The following INTS2 variants were observed in gnomAD, a reference collection of about 807,000 sequenced individuals.
The protein encoded by INTS2 is integrator complex subunit 2, also known as KIAA1287.
A neutral mutation model predicts 139.6 loss-of-function variants in INTS2; 57 were observed. The observed-to-expected ratio is 0.41, with a 90% CI of 0.33 to 0.51. The LOEUF (loss-of-function observed/expected upper bound fraction) is 0.51, where lower values mean the gene tolerates loss of function less well. Among genes scored for constraint, INTS2 ranks in the 20% least tolerant of loss-of-function variants. The pLI is 0.28. For synonymous variants in INTS2, 473 were observed against 493.4 expected (o/e 0.96, Z 0.55); for missense variants, 1,196 against 1,436.7 (o/e 0.83, Z 2.71).
intron 11 of INTS2, among the ~76,000 whole-genome samples, chr17:61,895,808 G>C (rs2079341921): frequency 6.6e-6 from 1 of 151,616 alleles, no homozygotes; most frequent in Non-Finnish European, 1.5e-5. Context: ...TACACCAAAA[G>C]AAACTCCAAG....
intron 9 of INTS2, among the ~76,000 whole-genome samples, chr17:61,900,783 C>T (rs1006253230): frequency 6.6e-5 from 10 of 151,464 alleles, no homozygotes; most frequent in Non-Finnish European, 2.9e-5. Context: ...CATGGAGAAA[C>T]CCCATCTCCA....
At chr17:61,912,336 C>G (rs1197167045) in intron 5 of INTS2, among the ~76,000 whole-genome samples, 2 of 136,256 alleles carry the variant, frequency 1.5e-5, no homozygotes, top group Non-Finnish European at 3.0e-5. Context: ...GTGGCTCACA[C>G]CTGTAATCCC....
At chr17:61,883,188 T>C (rs1487481769) in intron 16 of INTS2, among the ~76,000 whole-genome samples, 1 of 152,102 alleles carries the variant, frequency 6.6e-6, no homozygotes, top group African/African-American at 2.4e-5. Context: ...TGCCAAATGC[T>C]GTTAAAAATA....
At chr17:61,917,563 T>C (rs2079595461) in intron 5 of INTS2, among the ~76,000 whole-genome samples, 2 of 152,074 alleles carry the variant, frequency 1.3e-5, no homozygotes, top group African/African-American at 4.8e-5. Context: ...TCACTATAAG[T>C]GGGAGTTAAA....
chr17:61,868,017 A>G lies in INTS2; in HGVS notation c.3245-8T>C, dbSNP rs932291253. Reference sequence around the variant, plus strand: ...GCTTAGCCTGTGTTAAAACTGTTGGAAAAAAATGAAACAATATTTTAGTTT... The same window carrying G: ...GCTTAGCCTGTGTTAAAACTGTTGGGAAAAAATGAAACAATATTTTAGTTT... On this transcript the variant is annotated splice_polypyrimidine_tract_variant and splice_region_variant and intron_variant, in intron 23 of 24. Transcript: ENST00000251334. The surrounding 1 kb of genome is among the most constrained non-coding windows in gnomAD (Gnocchi z 4.7). 6.5e-7 allele frequency: 1 copy of G among 1,548,168 alleles called. No individual in the cohort carries two copies. The highest frequency in any genetic ancestry group is 8.7e-7 in the Non-Finnish European group (1 of 1,151,816).
chr17:61,873,020 A>AATGAAAATCTGAATTAAAAGTC lies in INTS2; in HGVS notation c.2583-582_2583-561dup, dbSNP rs2079101298. Among the ~76,000 whole-genome samples, 1 of 152,230 alleles carries AATGAAAATCTGAATTAAAAGTC rather than the reference A, an allele frequency of 6.6e-6. No homozygotes were observed. The highest frequency in any genetic ancestry group is 1.5e-5 in the Non-Finnish European group (1 of 68,038). On this transcript the variant is annotated intron_variant, in intron 19 of 24. Transcript: ENST00000251334. This position sits in a 1 kb window ranked among gnomAD's most constrained non-coding sequence, Gnocchi z 4.0. ...CCAGTTCAGCCTTTCTACATAGTAGAATGAAAATCTGAATTAAAAGTCTTG... is the reference window on the plus strand; with the variant it reads ...CCAGTTCAGCCTTTCTACATAGTAGAATGAAAATCTGAATTAAAAGTCATGAAAATCTGAATTAAAAGTCTTG...
chr17:61,919,215 G>A (rs538418670), intron 5 of INTS2, among the ~76,000 whole-genome samples, 185 bp downstream of exon 5: 16 of 152,098 alleles, frequency 1.1e-4, no homozygotes, highest in African/African-American at 3.6e-4. Flanking sequence ...GAGCCACTGC[G>A]CCCAGCCTGA....
intron 7 of INTS2, among the ~76,000 whole-genome samples, chr17:61,908,068 A>G (rs1370611865): frequency 6.6e-6 from 1 of 152,182 alleles, no homozygotes; most frequent in Non-Finnish European, 1.5e-5. Flanking sequence ...CCTTAATGAC[A>G]AGGAAATATT....
At chr17:61,914,474 C>A (rs1471633166) in intron 5 of INTS2, among the ~76,000 whole-genome samples, 1 of 152,004 alleles carries the variant, frequency 6.6e-6, no homozygotes, top group Admixed American at 6.6e-5. Context: ...CCACAGAGGG[C>A]GCATCACGAG....
At position 61,904,443 on chromosome 17, in the gene INTS2, C is replaced by A; in HGVS notation, c.1307+17G>T. On this transcript the variant is annotated intron_variant, in intron 9 of 24. Transcript: ENST00000251334. ...AGTAAACCTTGAGAAAATGGAGCAA[C>A]TTATATAGTTAGGTACCTGACAAGT... is the stretch of plus-strand genomic sequence containing the variant. 1 of 1,563,568 alleles carries A rather than the reference C, an allele frequency of 6.4e-7. No homozygotes were observed. Among genetic ancestry groups the A allele is most frequent in the Non-Finnish European group, 8.7e-7 (1 of 1,148,214 alleles).
In INTS2 at chr17:61,873,731, T is replaced by C. The variant is rs2079106844; in HGVS notation, c.2582+1182A>G. Among the ~76,000 whole-genome samples the C allele has an allele frequency of 6.6e-6, 1 of 152,182 alleles. No homozygotes were observed. The highest frequency in any genetic ancestry group is 2.1e-4 in the South Asian group (1 of 4,834). ...AGATTTTGTCACTTCGAGAATGTCA[T>C]CCCTTGGTTGATGACAGACAAGTTT... On this transcript the variant is annotated intron_variant, in intron 19 of 24. Transcript: ENST00000251334. This position sits in a 1 kb window ranked among gnomAD's most constrained non-coding sequence, Gnocchi z 4.0.
intron 14 of INTS2, among the ~76,000 whole-genome samples, chr17:61,890,406 T>C (rs1357860705): frequency 2.0e-5 from 3 of 151,174 alleles, no homozygotes; most frequent in Non-Finnish European, 2.9e-5. Context: ...AGGTCACGAG[T>C]TGGAGACCAG....
chr17:61,877,987 T>A lies in INTS2; in HGVS notation c.2356A>T (p.Thr786Ser). Reference sequence around the variant, plus strand: ...TTCAATAGCTGGCTCATATTGGATGTTAACACTTCCGCATATGGTATAAGT... The same window carrying A: ...TTCAATAGCTGGCTCATATTGGATGATAACACTTCCGCATATGGTATAAGT... ...SELIPYAEVL[T>S]SNMSQLLNSG... Residue 786 changes from threonine (T) to serine (S), a missense_variant, in exon 18 of 25, where the codon ACA becomes TCA. Physicochemically the swap from Thr to Ser is moderately conservative, Grantham distance 58. Transcript: ENST00000251334. 3 of 1,613,052 alleles carry A rather than the reference T, an allele frequency of 1.9e-6. No individual in the cohort carries two copies. The highest frequency in any genetic ancestry group is 2.5e-6 in the Non-Finnish European group (3 of 1,179,012).
Position 61,872,602 on chromosome 17 carries a change from C to A in INTS2, c.2583-142G>T. On this transcript the variant is annotated intron_variant, in intron 19 of 24. Transcript: ENST00000251334. This position sits in a 1 kb window ranked among gnomAD's most constrained non-coding sequence, Gnocchi z 4.8. ...CTTTTCCCACTAAAATATTCATTCT[C>A]AAAAGTTTAATATATGTTTCTTATT... The A allele has an allele frequency of 2.0e-6, 1 of 492,026 alleles. No homozygotes were observed. The highest frequency in any genetic ancestry group is 3.5e-6 in the Non-Finnish European group (1 of 283,910). 30.5% of individuals were successfully genotyped at this position (492,026 alleles called of 1,614,324 possible). A position where few individuals can be genotyped will look rare whatever the true frequency, so the allele number is the denominator to read the frequency against.
At chr17:61,915,517 C>T (rs1400250357) in intron 5 of INTS2, among the ~76,000 whole-genome samples, 1 of 144,004 alleles carries the variant, frequency 6.9e-6, no homozygotes, top group Non-Finnish European at 1.5e-5. Flanking sequence ...CAGAGTGAAA[C>T]TCTGTTTCAA....
intron 9 of INTS2, among the ~76,000 whole-genome samples, chr17:61,902,848 T>G (rs1603379258): frequency 1.4e-4 from 17 of 120,168 alleles, no homozygotes; most frequent in Middle Eastern, 4.7e-3. Flanking sequence ...ACAGCCTGGG[T>G]GAAAGAGCTT....
chr17:61,901,918 G>A (rs2079411142), intron 9 of INTS2, among the ~76,000 whole-genome samples: 1 of 152,026 alleles, frequency 6.6e-6, no homozygotes, highest in Non-Finnish European at 1.5e-5. Flanking sequence ...TTCAGAATGG[G>A]TATGTGTGAA....
At position 61,911,688 on chromosome 17, in the gene INTS2, T is replaced by C. The variant is rs1567912996; in HGVS notation, c.786A>G (p.Glu262=). The C allele has an allele frequency of 6.2e-7, 1 of 1,613,004 alleles. No individual in the cohort carries two copies. Among genetic ancestry groups the C allele is most frequent in the Non-Finnish European group, 8.5e-7 (1 of 1,179,398 alleles). Residue 262 remains glutamate, a synonymous_variant, in exon 7 of 25, where the codon GAA becomes GAG. Transcript: ENST00000251334. ...CACCAAGGCCTGGCAAGTGACATTC[T>C]TCCACCTAGCACAGAAAAGAAAACA... The part of the protein sequence containing the change: ...QALKVRGMVV[E]ECHLPGLGVA...
At chr17:61,892,550 G>A (rs1336347935) in intron 13 of INTS2, among the ~76,000 whole-genome samples, 3 of 152,064 alleles carry the variant, frequency 2.0e-5, no homozygotes, top group South Asian at 2.1e-4. Context: ...CCAACACTTC[G>A]GGAGGCCGAA....
Sources: gnomAD v4.1 joint callset for allele counts (sites outside exome capture counted in the v4.1 genomes callset) on GRCh38, gnomAD v4.1.1 for gene constraint, Gnocchi (gnomAD v3.1) non-coding constraint, MANE v1.5 for transcripts, NCBI Gene and HGNC (gene_info 2026-07-23, HGNC 2026-07-21) for gene names.